The following HSPA12A variants were observed in gnomAD, a reference collection of about 807,000 sequenced individuals.
The protein encoded by HSPA12A is heat shock 70 kDa protein 12A.
Under a neutral mutation model 69.2 loss-of-function variants are expected in HSPA12A, and 28 were observed. The observed-to-expected ratio is 0.40, with a 90% CI of 0.30 to 0.55. HSPA12A has a LOEUF of 0.55. Among genes scored for constraint, HSPA12A ranks in the 20% least tolerant of loss-of-function variants. HSPA12A has a pLI of 0.38. For missense variants in HSPA12A, 686 were observed against 900.7 expected, an observed-to-expected ratio of 0.76 and a Z score of 3.05; for synonymous variants, 345 against 370.5, an observed-to-expected ratio of 0.93 and a Z score of 0.79.
upstream of HSPA12A, among the ~76,000 whole-genome samples, chr10:116,746,625 G>A (rs72829672): frequency 0.043 from 6,585 of 152,208 alleles, 192 homozygotes; most frequent in African/African-American, 0.088. Context: ...ATAATTATAA[G>A]AGATCATATA....
chr10:116,714,264 G>C (rs1434414847), intron 1 of HSPA12A, among the ~76,000 whole-genome samples: 1 of 152,056 alleles, frequency 6.6e-6, no homozygotes, highest in Non-Finnish European at 1.5e-5. Flanking sequence ...CTCTTGAGTT[G>C]GATATTAGTA....
intron 1 of HSPA12A, chr10:116,835,048 A>T (rs2133214682): frequency 8.2e-7 from 1 of 1,214,550 alleles, no homozygotes; most frequent in South Asian, 4.2e-5. Flanking sequence ...AAAGAGTTGC[A>T]CTGTGAAAAT....
intron 2 of HSPA12A, among the ~76,000 whole-genome samples, chr10:116,771,496 T>G (rs1174470314): frequency 1.3e-5 from 2 of 152,202 alleles, no homozygotes; most frequent in Admixed American, 6.5e-5. Context: ...CTGGAATATT[T>G]TAAGCAACGA....
upstream of HSPA12A, chr10:116,850,102 C>G (rs1435371776): frequency 8.4e-6 from 3 of 359,188 alleles, no homozygotes; most frequent in African/African-American, 6.4e-5. Flanking sequence ...TTAATGCCCT[C>G]AGCTCAGCTC....
Position 116,674,831 on chromosome 10 carries a change from T to C in HSPA12A, c.1978A>G (p.Ile660Val), listed in dbSNP as rs782412500. 1.9e-5 allele frequency: 30 copies of C among 1,613,308 alleles called. No individual in the cohort carries two copies. Among genetic ancestry groups the C allele is most frequent in the South Asian group, 4.4e-5 (4 of 91,074 alleles). Residue 660 changes from isoleucine to valine, a missense_variant, in exon 12 of 12, where the codon ATA (isoleucine) becomes GTA (valine). Physicochemically the swap from Ile to Val is conservative, Grantham distance 29 (BLOSUM62 3). Transcript: ENST00000369209. ...ACTTTGACACTCTTCGAAGTGGCTATATCAATGGCTGTGGCTTTGATCTCG... is the reference window on the plus strand; with the variant it reads ...ACTTTGACACTCTTCGAAGTGGCTACATCAATGGCTGTGGCTTTGATCTCG... The part of the protein sequence containing the change: ...DTEIKATAID[I>V]ATSKSVKVGI...
chr10:116,804,297 G>T (rs1370113731), intron 2 of HSPA12A, among the ~76,000 whole-genome samples: 4 of 152,326 alleles, frequency 2.6e-5, no homozygotes, highest in Admixed American at 6.5e-5. Context: ...TTAACCAGGG[G>T]AACCCATGGT....
At chr10:116,800,917 G>A (rs1473661287) in intron 2 of HSPA12A, among the ~76,000 whole-genome samples, 3 of 152,120 alleles carry the variant, frequency 2.0e-5, no homozygotes, top group Admixed American at 6.5e-5. Context: ...GGGTGCTGGG[G>A]GCAGGGGCGA....
At chr10:116,798,002 GAA>G (rs1196037984) in intron 2 of HSPA12A, among the ~76,000 whole-genome samples, 8 of 152,274 alleles carry the variant, frequency 5.3e-5, no homozygotes, top group Non-Finnish European at 4.4e-5. Context: ...ACAGCCATGG[GAA>G]CTTCTGAGTT....
chr10:116,693,476 G>C (rs1849796976), intron 5 of HSPA12A, among the ~76,000 whole-genome samples: 2 of 152,154 alleles, frequency 1.3e-5, no homozygotes, highest in Non-Finnish European at 2.9e-5. Flanking sequence ...AGGGAATGCT[G>C]GCCCAAAGAC....
At position 116,686,005 on chromosome 10, in the gene HSPA12A, A is replaced by G. The variant is rs1385777021; in HGVS notation, c.664-2043T>C. Among the ~76,000 whole-genome samples the G allele has an allele frequency of 6.6e-6, 1 of 152,210 alleles. No homozygotes were observed. Among genetic ancestry groups the G allele is most frequent in the East Asian group, 1.9e-4 (1 of 5,188 alleles). On this transcript the variant is annotated intron_variant, in intron 6 of 11. Coordinates refer to ENST00000369209, the MANE Select transcript of HSPA12A (RefSeq NM_025015.3). This position sits in a 1 kb window ranked among gnomAD's most constrained non-coding sequence, Gnocchi z 4.1. ...GCATCAATGCCTGTCAGCTCAGCCCATGGGTCAGAGAAGCTGGGTCTGCCC... is the reference window on the plus strand; with the variant it reads ...GCATCAATGCCTGTCAGCTCAGCCCGTGGGTCAGAGAAGCTGGGTCTGCCC...
At chr10:116,707,883 T>A (rs911376304) in intron 1 of HSPA12A, among the ~76,000 whole-genome samples, 1 of 151,790 alleles carries the variant, frequency 6.6e-6, no homozygotes, top group Non-Finnish European at 1.5e-5. Context: ...ATACTGAAGG[T>A]TTGGGACCTT....
At chr10:116,678,436 G>C (rs1171075111) in intron 10 of HSPA12A, among the ~76,000 whole-genome samples, 1 of 147,900 alleles carries the variant, frequency 6.8e-6, no homozygotes, top group Non-Finnish European at 1.5e-5. Flanking sequence ...CCAGATGATA[G>C]GAAACTCCAA....
intron 1 of HSPA12A, among the ~76,000 whole-genome samples, chr10:116,849,214 G>C (rs1029052192): frequency 1.3e-5 from 2 of 152,220 alleles, no homozygotes; most frequent in Non-Finnish European, 2.9e-5. Context: ...CCGGAATTCG[G>C]AGCTAAGGCT....
rs782456320 is a variant in HSPA12A, at chr10:116,681,794, C to T, written c.919G>A (p.Glu307Lys). The T allele has an allele frequency of 6.2e-7, 1 of 1,613,814 alleles. No homozygotes were observed. Among genetic ancestry groups the T allele is most frequent in the Non-Finnish European group, 8.5e-7 (1 of 1,179,720 alleles). The change falls in exon 8 of 12, where the codon GAA becomes AAA. Residue 307 changes from glutamate to lysine, a missense_variant. Physicochemically the swap from Glu to Lys is moderately conservative, Grantham distance 56. Coordinates refer to ENST00000369209, the MANE Select transcript of HSPA12A (RefSeq NM_025015.3). ...AAAGGACATTGAAGGACGCTACCTT[C>T]CTCCAGCTCGGACCAGATTTCTCCT... is the stretch of plus-strand genomic sequence containing the variant. ...VIGEIWSELEEGDKYVVVDSG... is the reference protein window; with the variant it reads ...VIGEIWSELEKGDKYVVVDSG...
intron 2 of HSPA12A, among the ~76,000 whole-genome samples, chr10:116,820,667 C>T (rs1232153445): frequency 2.0e-5 from 3 of 150,948 alleles, no homozygotes; most frequent in Non-Finnish European, 3.0e-5. Flanking sequence ...GGCTTTAGTC[C>T]TCAGACCTCT....
At chr10:116,803,600 G>A (rs1254767566) in intron 2 of HSPA12A, among the ~76,000 whole-genome samples, 2 of 152,156 alleles carry the variant, frequency 1.3e-5, no homozygotes, top group African/African-American at 2.4e-5. Context: ...TGGGAGATGC[G>A]CTCTTCCACC....
chr10:116,775,120 G>A (rs1193613398), intron 2 of HSPA12A, among the ~76,000 whole-genome samples: 1 of 152,232 alleles, frequency 6.6e-6, no homozygotes, highest in Non-Finnish European at 1.5e-5. Flanking sequence ...GATTGGGCCA[G>A]AAGCCAATAG....
chr10:116,849,846 G>C, upstream of HSPA12A: 2 of 1,208,926 alleles, frequency 1.7e-6, no homozygotes, highest in Non-Finnish European at 2.3e-6. Flanking sequence ...CAGCCGCCCG[G>C]GCCCTGGGCC....
chr10:116,758,951 A>G (rs1359230601), intron 2 of HSPA12A, among the ~76,000 whole-genome samples: 1 of 152,092 alleles, frequency 6.6e-6, no homozygotes, highest in Non-Finnish European at 1.5e-5. Context: ...GTCAGAAGGA[A>G]CTTTAAAGGT....
Sources: allele counts gnomAD v4.1 joint callset (sites outside exome capture counted in the v4.1 genomes callset), GRCh38; gene constraint gnomAD v4.1.1; non-coding constraint Gnocchi (gnomAD v3.1); transcripts MANE v1.5; gene names NCBI Gene and HGNC (gene_info 2026-07-23, HGNC 2026-07-21).